Variants in PAM observed in about 807,000 individuals in gnomAD.
PAM encodes the protein peptidylglycine alpha-amidating monooxygenase.
In PAM, 72 loss-of-function variants were observed where a neutral mutation model predicts 122.1. That is an observed-to-expected ratio of 0.59 (90% CI 0.49 to 0.72). PAM has a LOEUF of 0.72. Ranked by LOEUF, PAM falls within the 30% of genes least tolerant of loss-of-function variation. The pLI is 0.00. For synonymous variants in PAM, 389 were observed against 404.4 expected, an observed-to-expected ratio of 0.96 and a Z score of 0.46; for missense variants, 1,106 against 1,183.7, an observed-to-expected ratio of 0.93 and a Z score of 0.96.
Position 102,990,289 on chromosome 5 carries a change from G to A in PAM, c.1501G>A (p.Ala501Thr). Residue 501 changes from alanine (A) to threonine (T), a missense_variant, in exon 16 of 26, where the codon GCA becomes ACA. Around this residue, in one of 3 missense-constraint regions of PAM, gnomAD observed 670 missense variants for 690.3 expected, o/e 0.97. Coordinates refer to ENST00000438793, the MANE Select transcript of PAM (RefSeq NM_001177306.2). ...TCTTTTAGATTTCCACATGGAAGAG[G>A]CACTGGATTGGCCTGGAGTATACTT... is the stretch of plus-strand genomic sequence containing the variant. ...EHTGDFHMEE[A>T]LDWPGVYLLP... The A allele has an allele frequency of 2.6e-6, 4 of 1,560,530 alleles. No homozygotes were observed. The highest frequency in any genetic ancestry group is 1.2e-5 in the South Asian group (1 of 81,838).
intron 1 of PAM, among the ~76,000 whole-genome samples, chr5:102,820,328 A>G (rs1434398148): frequency 1.3e-5 from 2 of 152,186 alleles, no homozygotes; most frequent in African/African-American, 4.8e-5. Context: ...AACTACTTCA[A>G]TATATTCTCT....
chr5:102,782,424 G>A (rs1276268303), intron 1 of PAM, among the ~76,000 whole-genome samples: 1 of 152,142 alleles, frequency 6.6e-6, no homozygotes, highest in Admixed American at 6.6e-5. Flanking sequence ...TGCAAAATGA[G>A]TTTGAAATAG....
intron 1 of PAM, among the ~76,000 whole-genome samples, chr5:102,822,792 T>C (rs1184226069): frequency 1.3e-5 from 2 of 151,958 alleles, no homozygotes; most frequent in African/African-American, 4.8e-5. Context: ...AGAAGGGAAA[T>C]TACCATTGGA....
chr5:102,859,363 TG>T (rs1309074756), intron 1 of PAM, among the ~76,000 whole-genome samples: 66 of 152,008 alleles, frequency 4.3e-4, no homozygotes, highest in Admixed American at 4.0e-3. Flanking sequence ...TGTGTGTGTG[TG>T]TGTGTGTCTT....
rs538893864 is a variant in PAM at position 102,926,783 on chromosome 5, G to C, written c.526+115G>C. The C allele has an allele frequency of 4.2e-5, 25 of 599,794 alleles. No individual in the cohort carries two copies. The South Asian group carries it at 6.0e-4, about 14-fold the overall frequency. 37.2% of individuals were successfully genotyped at this position (599,794 alleles called of 1,614,324 possible). ...AATTGCCCACACCCTCTGCCCACTA[G>C]GGGATAACAGCTTTTGTTTCCTTTA... On this transcript the variant is annotated intron_variant, in intron 7 of 25. Coordinates refer to ENST00000438793, the MANE Select transcript of PAM (RefSeq NM_001177306.2).
At chr5:102,868,297 C>T (rs1172543150) in intron 3 of PAM, among the ~76,000 whole-genome samples, 2 of 151,964 alleles carry the variant, frequency 1.3e-5, no homozygotes, top group Admixed American at 6.5e-5. Context: ...ATAAAGTATT[C>T]GTATTCTACT....
At chr5:102,900,258 G>T (rs867571662) in intron 3 of PAM, among the ~76,000 whole-genome samples, 39 of 121,064 alleles carry the variant, frequency 3.2e-4, no homozygotes, top group African/African-American at 1.2e-3. Flanking sequence ...TGTGTGTGGG[G>T]GGGGGGCGGG....
In PAM at chr5:102,854,925, C is replaced by G. The variant is rs184371953; in HGVS notation, c.-373-10898C>G. On this transcript the variant is annotated intron_variant, in intron 1 of 25. Coordinates refer to ENST00000438793, the MANE Select transcript of PAM (RefSeq NM_001177306.2). ...CAAAGAAAACTGTTAGTGCTATAGACTAGAAATTAAGATATCTGCATATAA... is the reference window on the plus strand; with the variant it reads ...CAAAGAAAACTGTTAGTGCTATAGAGTAGAAATTAAGATATCTGCATATAA... 2.0e-5 allele frequency among the ~76,000 whole-genome samples: 3 copies of G among 152,226 alleles called. No individual in the cohort carries two copies. In the South Asian group the frequency reaches 6.2e-4, roughly 32 times the overall value.
chr5:102,904,877 C>T (rs189996002), intron 4 of PAM, among the ~76,000 whole-genome samples: 12 of 151,648 alleles, frequency 7.9e-5, no homozygotes, highest in African/African-American at 2.9e-4. Context: ...AAACATACTT[C>T]TAAATTTTGA....
intron 16 of PAM, among the ~76,000 whole-genome samples, chr5:102,998,141 G>A (rs999177396): frequency 6.6e-6 from 1 of 152,172 alleles, no homozygotes; most frequent in East Asian, 1.9e-4. Context: ...GAGAGGGAGG[G>A]AAACCTTTTT....
At chr5:103,005,108 C>A in intron 17 of PAM, 46 bp from the exon 18 acceptor site, 2 of 1,096,290 alleles carry the variant, frequency 1.8e-6, no homozygotes, top group Non-Finnish European at 2.8e-6. Context: ...GTCACATATG[C>A]CTTGAGAGTA....
chr5:102,861,324 T>A (rs922784930), intron 1 of PAM, among the ~76,000 whole-genome samples: 1 of 152,216 alleles, frequency 6.6e-6, no homozygotes, highest in African/African-American at 2.4e-5. Flanking sequence ...TATGCAGCAA[T>A]GGACAATTAA....
chr5:102,989,640 A>G (rs1773346900), intron 15 of PAM: 1 of 152,192 alleles, frequency 6.6e-6, no homozygotes, highest in Non-Finnish European at 1.5e-5. Context: ...ACCAAATATG[A>G]ACAGTGAAAG....
chr5:102,894,608 C>G (rs1048297974), intron 3 of PAM, among the ~76,000 whole-genome samples: 1 of 151,702 alleles, frequency 6.6e-6, no homozygotes, highest in Non-Finnish European at 1.5e-5. Context: ...CCAAGCCTCA[C>G]CTCTGAACTC....
intron 7 of PAM, among the ~76,000 whole-genome samples, chr5:102,930,360 G>T (rs1356067693): frequency 6.6e-6 from 1 of 152,148 alleles, no homozygotes. Flanking sequence ...AAGTGGAGAG[G>T]TATGAAGTCT....
Position 102,982,802 on chromosome 5 carries a change from C to T in PAM, c.1484-7470C>T, listed in dbSNP as rs544277874. On this transcript the variant is annotated intron_variant, in intron 15 of 25. Transcript: ENST00000438793. ...ACATATAGAGGTATCAATGTAAGGA[C>T]ACAAGAAACATGAAAAGGAAACATA... 1.2e-3 allele frequency among the ~76,000 whole-genome samples: 184 copies of T among 152,136 alleles called. 1 individual carries two copies. Among genetic ancestry groups the T allele is most frequent in the Non-Finnish European group, 1.2e-3 (80 of 68,002 alleles).
chr5:102,957,416 A>C (rs1229993674), intron 12 of PAM, among the ~76,000 whole-genome samples: 1 of 152,124 alleles, frequency 6.6e-6, no homozygotes, highest in Non-Finnish European at 1.5e-5. Flanking sequence ...CCATACAGTC[A>C]TGAGCACATT....
chr5:102,893,322 G>A (rs551982448), intron 3 of PAM, among the ~76,000 whole-genome samples: 2 of 151,676 alleles, frequency 1.3e-5, no homozygotes, highest in East Asian at 3.9e-4. Flanking sequence ...ATTTAGAAAG[G>A]TATTCCCCTA....
intron 16 of PAM, among the ~76,000 whole-genome samples, chr5:102,993,163 A>G (rs1371402025): frequency 6.6e-6 from 1 of 152,044 alleles, no homozygotes; most frequent in Non-Finnish European, 1.5e-5. Context: ...TTTCTCCCTT[A>G]CTTCAATATC....
Sources: gnomAD v4.1 joint callset for allele counts (sites outside exome capture counted in the v4.1 genomes callset) on GRCh38, gnomAD v4.1.1 for gene constraint, gnomAD v4.1.1 regional missense constraint, MANE v1.5 for transcripts, NCBI Gene and HGNC (gene_info 2026-07-23, HGNC 2026-07-21) for gene names.